Variants in CSMD1 observed in about 807,000 individuals in gnomAD.
The protein encoded by CSMD1 is CUB and Sushi multiple domains 1, also known as CUB and sushi domain-containing protein 1.
CSMD1 carries 213 observed loss-of-function variants against 417.5 expected under a neutral mutation model. The ratio of observed to expected loss-of-function variants is 0.51; its 90% CI spans 0.46 to 0.57. The LOEUF (loss-of-function observed/expected upper bound fraction) is 0.57. Among genes scored for constraint, CSMD1 ranks in the 20% least tolerant of loss-of-function variants. CSMD1 has a pLI of 0.00. For synonymous variants in CSMD1, 2,862 were observed against 1,736.8 expected (o/e 1.65, Z -16.11); for missense variants, 6,923 against 4,529.7 (o/e 1.53, Z -15.17).
At chr8:4,564,272 T>C (rs940113934) in intron 2 of CSMD1, among the ~76,000 whole-genome samples, 1 of 152,238 alleles carries the variant, frequency 6.6e-6, no homozygotes, top group Non-Finnish European at 1.5e-5. Flanking sequence ...TTATAATTTT[T>C]AAATCTGCTC....
At chr8:4,049,844 T>C (rs988340619) in intron 3 of CSMD1, among the ~76,000 whole-genome samples, 10 of 152,314 alleles carry the variant, frequency 6.6e-5, no homozygotes, top group African/African-American at 2.2e-4. Context: ...AATATTGGCA[T>C]ATTCTTCTTC....
intron 3 of CSMD1, among the ~76,000 whole-genome samples, chr8:4,333,098 T>C (rs1411386000): frequency 1.3e-5 from 2 of 152,060 alleles, no homozygotes; most frequent in African/African-American, 2.4e-5. Context: ...GATGGAATTG[T>C]GTTTGAAAAT....
chr8:3,605,978 G>T (rs1301030031), intron 8 of CSMD1, among the ~76,000 whole-genome samples: 1 of 152,176 alleles, frequency 6.6e-6, no homozygotes, highest in African/African-American at 2.4e-5. Flanking sequence ...TCTGCCTTGT[G>T]TGGGGTCCGG....
chr8:3,489,807 C>T (rs1031779284), intron 11 of CSMD1, among the ~76,000 whole-genome samples: 8 of 152,228 alleles, frequency 5.3e-5, no homozygotes, highest in South Asian at 2.1e-4. Flanking sequence ...CTCTTAAAAT[C>T]GAGATGTAAC....
intron 5 of CSMD1, among the ~76,000 whole-genome samples, chr8:3,854,022 A>C (rs992203945): frequency 1.4e-5 from 2 of 146,372 alleles, no homozygotes; most frequent in African/African-American, 4.9e-5. Context: ...AAAATATTAT[A>C]AATATATTAA....
intron 3 of CSMD1, among the ~76,000 whole-genome samples, chr8:4,323,912 T>TG (rs1799411046): frequency 6.6e-6 from 1 of 152,150 alleles, no homozygotes; most frequent in African/African-American, 2.4e-5. Context: ...GTTCTGAGCC[T>TG]GGGGGTGGCA....
At chr8:4,752,212 C>A (rs765834400) in intron 1 of CSMD1, among the ~76,000 whole-genome samples, 1 of 152,196 alleles carries the variant, frequency 6.6e-6, no homozygotes, top group South Asian at 2.1e-4. Flanking sequence ...ATAAACAGTA[C>A]TATCATATCT....
At chr8:4,356,251 C>T (rs1801425179) in intron 3 of CSMD1, among the ~76,000 whole-genome samples, 1 of 152,076 alleles carries the variant, frequency 6.6e-6, no homozygotes, top group South Asian at 2.1e-4. Context: ...CAATTGTCTC[C>T]AATCTCATCC....
intron 5 of CSMD1, among the ~76,000 whole-genome samples, chr8:3,885,533 T>C (rs187870987): frequency 6.6e-6 from 1 of 152,162 alleles, no homozygotes; most frequent in Non-Finnish European, 1.5e-5. Flanking sequence ...CTCAGAATAC[T>C]AGGGAAAAAA....
intron 3 of CSMD1, among the ~76,000 whole-genome samples, chr8:4,328,780 A>G (rs903004949): frequency 6.6e-6 from 1 of 152,212 alleles, no homozygotes; most frequent in African/African-American, 2.4e-5. Flanking sequence ...GCAATCTGAC[A>G]AAGTATTCTC....
At chr8:4,975,904 T>C (rs1810532401) in intron 1 of CSMD1, among the ~76,000 whole-genome samples, 1 of 152,230 alleles carries the variant, frequency 6.6e-6, no homozygotes, top group Non-Finnish European at 1.5e-5. Context: ...TAGTATTTCC[T>C]ATGTTGCTCA....
intron 1 of CSMD1, among the ~76,000 whole-genome samples, chr8:4,872,003 C>G (rs1003463375): frequency 2.0e-5 from 3 of 152,092 alleles, no homozygotes; most frequent in South Asian, 4.1e-4. Flanking sequence ...AGAAACACAT[C>G]GTGCTGATCA....
chr8:4,189,509 A>C (rs1798888656), intron 3 of CSMD1, among the ~76,000 whole-genome samples: 1 of 152,194 alleles, frequency 6.6e-6, no homozygotes, highest in Admixed American at 6.5e-5. Flanking sequence ...TAATTGTATA[A>C]ACATATATTA....
chr8:4,826,411 G>A (rs1427601568), intron 1 of CSMD1, among the ~76,000 whole-genome samples: 1 of 152,144 alleles, frequency 6.6e-6, no homozygotes, highest in Non-Finnish European at 1.5e-5. Flanking sequence ...GATGAGCCTG[G>A]AGGGCATTGC....
At chr8:4,096,931 C>A (rs970249393) in intron 3 of CSMD1, among the ~76,000 whole-genome samples, 5 of 152,138 alleles carry the variant, frequency 3.3e-5, no homozygotes, top group Admixed American at 2.6e-4. Flanking sequence ...AGAGCAAACA[C>A]CCCAAAAACA....
intron 8 of CSMD1, among the ~76,000 whole-genome samples, chr8:3,615,938 T>C (rs1329762988): frequency 6.6e-6 from 1 of 152,208 alleles, no homozygotes; most frequent in East Asian, 1.9e-4. Flanking sequence ...ACTATTATAA[T>C]CACTACTGTA....
chr8:3,909,340 T>C (rs1808305594), intron 5 of CSMD1, among the ~76,000 whole-genome samples: 1 of 152,122 alleles, frequency 6.6e-6, no homozygotes, highest in Non-Finnish European at 1.5e-5. Context: ...GCATCCTTGC[T>C]GGGAAATGCC....
chr8:3,807,528 A>T (rs368756517), intron 5 of CSMD1, among the ~76,000 whole-genome samples: 1 of 152,192 alleles, frequency 6.6e-6, no homozygotes, highest in East Asian at 1.9e-4. Flanking sequence ...GCTTCAACAG[A>T]TACTAATGAT....
chr8:3,046,930 C>T (rs565321489), intron 50 of CSMD1, among the ~76,000 whole-genome samples: 20 of 152,142 alleles, frequency 1.3e-4, no homozygotes, highest in South Asian at 2.1e-4. Flanking sequence ...TTCAAAGAGC[C>T]GCTCTGGGCC....
Sources: gnomAD v4.1 joint callset for allele counts (sites outside exome capture counted in the v4.1 genomes callset) on GRCh38, gnomAD v4.1.1 for gene constraint, MANE v1.5 for transcripts, NCBI Gene and HGNC (gene_info 2026-07-23, HGNC 2026-07-21) for gene names.